PAPPA2: variants seen among roughly 807,000 people sequenced by gnomAD.
PAPPA2 encodes the protein pappalysin-2.
A neutral mutation model predicts 176.4 loss-of-function variants in PAPPA2; 86 were observed. The observed-to-expected ratio is 0.49, with a 90% confidence interval of 0.41 to 0.58. The LOEUF is 0.58. Ranked by LOEUF, PAPPA2 falls within the 20% of genes least tolerant of loss-of-function variation. The pLI is 0.00. For missense variants in PAPPA2, 2,073 were observed against 2,256.9 expected (o/e 0.92, Z 1.65); for synonymous variants, 809 against 852.2 (o/e 0.95, Z 0.88).
intron 21 of PAPPA2, among the ~76,000 whole-genome samples, chr1:176,807,250 A>C (rs1031539753): frequency 6.6e-6 from 1 of 152,170 alleles, no homozygotes; most frequent in East Asian, 1.9e-4. Context: ...TAGAACAGTG[A>C]CAGGCAATAC....
chr1:176,819,524 G>T (rs983807138), intron 21 of PAPPA2, among the ~76,000 whole-genome samples: 1 of 152,118 alleles, frequency 6.6e-6, no homozygotes, highest in African/African-American at 2.4e-5. Flanking sequence ...TAACTCTTAT[G>T]AAAAAGTATC....
chr1:176,481,619 C>A (rs1652407647), intron 1 of PAPPA2, among the ~76,000 whole-genome samples: 1 of 152,192 alleles, frequency 6.6e-6, no homozygotes, highest in African/African-American at 2.4e-5. Context: ...CAGTTTTAAT[C>A]CTAGCATTTG....
chr1:176,582,758 TATGC>T (rs139387175), intron 2 of PAPPA2, among the ~76,000 whole-genome samples: 166 of 152,282 alleles, frequency 1.1e-3, no homozygotes, highest in African/African-American at 3.8e-3. Flanking sequence ...GTATTAGGGT[TATGC>T]TGGCCTAGTA....
Position 176,595,593 on chromosome 1 carries a change from G to A in PAPPA2, c.1989G>A (p.Lys663=), listed in dbSNP as rs1274048109. Residue 663 remains lysine (K), a splice_region_variant and synonymous_variant, in exon 3 of 23, where the codon AAG becomes AAA. Coordinates refer to ENST00000367662, the MANE Select transcript of PAPPA2 (RefSeq NM_020318.3). The part of the protein sequence containing the change: ...RKTCFDPDSP[K]RAYMSVKELK... ...CCTGCTTTGACCCTGACTCACCCAA[G>A]AGGTAAGGGACTGGGATTTGGGGTG... is the stretch of plus-strand genomic sequence containing the variant. 6.2e-7 allele frequency: 1 copy of A among 1,607,264 alleles called. No individual in the cohort carries two copies. Among genetic ancestry groups the A allele is most frequent in the East Asian group, 2.2e-5 (1 of 44,724 alleles).
intron 21 of PAPPA2, among the ~76,000 whole-genome samples, chr1:176,832,182 T>C (rs1188993089): frequency 6.6e-6 from 1 of 152,186 alleles, no homozygotes; most frequent in African/African-American, 2.4e-5. Context: ...CATTGTGCTA[T>C]GTGTTTTACC....
At chr1:176,729,987 A>G (rs1300166024) in intron 12 of PAPPA2, among the ~76,000 whole-genome samples, 1 of 151,702 alleles carries the variant, frequency 6.6e-6, no homozygotes, top group Non-Finnish European at 1.5e-5. Context: ...TTGTCAAATC[A>G]TTTTTGCCTT....
chr1:176,559,208 G>A (rs993986315), intron 2 of PAPPA2, among the ~76,000 whole-genome samples: 2 of 152,164 alleles, frequency 1.3e-5, no homozygotes, highest in African/African-American at 4.8e-5. Flanking sequence ...GTAAAATTGG[G>A]CAGAAAATCT....
chr1:176,797,836 G>A (rs1469955121), intron 20 of PAPPA2, among the ~76,000 whole-genome samples: 1 of 152,042 alleles, frequency 6.6e-6, no homozygotes, highest in Non-Finnish European at 1.5e-5. Flanking sequence ...TAATTGCTAA[G>A]TACTTGTTTT....
chr1:176,544,817 A>G (rs754580378), intron 1 of PAPPA2, among the ~76,000 whole-genome samples: 5 of 152,122 alleles, frequency 3.3e-5, no homozygotes, highest in Non-Finnish European at 7.4e-5. Context: ...AGGTTCAATC[A>G]TTTGCTTAGA....
chr1:176,510,810 TACACACAC>T (rs200808228), intron 1 of PAPPA2, among the ~76,000 whole-genome samples: 67 of 126,556 alleles, frequency 5.3e-4, no homozygotes, highest in East Asian at 1.7e-3. Flanking sequence ...AAGCAACACA[TACACACAC>T]ACACACACAC....
At chr1:176,606,657 G>T (rs1471876659) in intron 3 of PAPPA2, among the ~76,000 whole-genome samples, 2 of 152,036 alleles carry the variant, frequency 1.3e-5, no homozygotes, top group African/African-American at 4.8e-5. Context: ...TAGAGATGGG[G>T]TTTCACCATA....
At position 176,695,744 on chromosome 1, in the gene PAPPA2, A is replaced by G. The variant is rs761036502; in HGVS notation, c.2631A>G (p.Ser877=). 1.9e-6 allele frequency: 3 copies of G among 1,614,024 alleles called. No individual in the cohort carries two copies. In the Admixed American group the frequency reaches 5.0e-5, roughly 27 times the overall value. Residue 877 remains serine (S), a synonymous_variant, in exon 7 of 23, where the codon TCA becomes TCG. Coordinates refer to ENST00000367662, the MANE Select transcript of PAPPA2 (RefSeq NM_020318.3). ...PISGVVYDRA[S]GSLCGACTED... ...CATCCCTTTATCTCCCCAGGGCCTC[A>G]GGCAGCTTGTGTGGCGCTTGCACTG...
At chr1:176,561,189 A>G (rs1651648616) in intron 2 of PAPPA2, among the ~76,000 whole-genome samples, 1 of 152,252 alleles carries the variant, frequency 6.6e-6, no homozygotes, top group African/African-American at 2.4e-5. Context: ...CAAATGGAAA[A>G]AGGAGAAAAA....
In PAPPA2 at chr1:176,690,375, C is replaced by T. The variant is rs951528253; in HGVS notation, c.2376C>T (p.Thr792=). The change falls in exon 5 of 23, where the codon ACC becomes ACT. Residue 792 remains threonine (T), a synonymous_variant. Coordinates refer to ENST00000367662, the MANE Select transcript of PAPPA2 (RefSeq NM_020318.3). ...GGGAACCAGAGCCCACTAGTGACAC[C>T]TGTGGCTTCACTCGCTTCCCAGGGG... ...LCREPEPTSD[T]CGFTRFPGAP... is the part of the protein sequence containing the mutation. The T allele has an allele frequency of 6.2e-7, 1 of 1,614,190 alleles. No homozygotes were observed. The highest frequency in any genetic ancestry group is 8.5e-7 in the Non-Finnish European group (1 of 1,180,026).
chr1:176,482,521 G>A (rs1230768968), intron 1 of PAPPA2, among the ~76,000 whole-genome samples: 1 of 152,138 alleles, frequency 6.6e-6, no homozygotes, highest in African/African-American at 2.4e-5. Context: ...GGCATGAACA[G>A]GAAAAATGAG....
intron 6 of PAPPA2, 39 bp downstream of exon 6, chr1:176,692,357 C>A (rs751733672): frequency 9.2e-6 from 14 of 1,529,268 alleles, no homozygotes; most frequent in Non-Finnish European, 1.3e-5. Flanking sequence ...TGGCTTATTT[C>A]TCTGTGGCAT....
intron 3 of PAPPA2, among the ~76,000 whole-genome samples, chr1:176,610,989 C>T (rs1425551002): frequency 1.3e-5 from 2 of 152,154 alleles, no homozygotes; most frequent in Non-Finnish European, 2.9e-5. Flanking sequence ...AAGCCAAGTG[C>T]TATCTTTAAT....
intron 1 of PAPPA2, among the ~76,000 whole-genome samples, chr1:176,477,000 A>T (rs577985444): frequency 6.6e-6 from 1 of 152,302 alleles, no homozygotes; most frequent in East Asian, 1.9e-4. Flanking sequence ...GAACTTTTAC[A>T]TGAGCCACGG....
chr1:176,726,412 T>C (rs1661878406), intron 12 of PAPPA2, among the ~76,000 whole-genome samples: 1 of 152,244 alleles, frequency 6.6e-6, no homozygotes, highest in Admixed American at 6.5e-5. Context: ...TGTTCAACAC[T>C]GAGTGCAGAG....
Sources: gnomAD v4.1 joint callset for allele counts (sites outside exome capture counted in the v4.1 genomes callset) on GRCh38, gnomAD v4.1.1 for gene constraint, MANE v1.5 for transcripts, NCBI Gene and HGNC (gene_info 2026-07-23, HGNC 2026-07-21) for gene names.